BBX: variants seen among roughly 807,000 people sequenced by gnomAD.
BBX encodes BBX high mobility group box domain containing.
In BBX, 30 loss-of-function variants were observed where a neutral mutation model predicts 100.2. The ratio of observed to expected loss-of-function variants is 0.30; its 90% CI spans 0.22 to 0.41. The LOEUF is 0.41. Among genes scored for constraint, BBX ranks in the 10% least tolerant of loss-of-function variants. The probability of loss-of-function intolerance (pLI) is 1.00; values close to 1 mark genes in which losing one functional copy is unlikely to be tolerated. For synonymous variants in BBX, 376 were observed against 388.1 expected (o/e 0.97, Z 0.37); for missense variants, 1,023 against 1,129.8 (o/e 0.91, Z 1.35).
In BBX at chr3:107,764,495, G is replaced by A. The variant is rs191942808; in HGVS notation, c.907-8133G>A. 4.6e-5 allele frequency among the ~76,000 whole-genome samples: 7 copies of A among 152,278 alleles called. No homozygotes were observed. The East Asian group carries it at 1.2e-3, about 25-fold the overall frequency. On this transcript the variant is annotated intron_variant, in intron 10 of 17. Coordinates refer to ENST00000325805, the MANE Select transcript of BBX (RefSeq NM_001142568.3). ...TACATTTTATGCCCACTGAGTTACA[G>A]TTATAAAAAAATAAAGTAGTACCTG...
chr3:107,680,693 G>A (rs983591916), intron 3 of BBX, among the ~76,000 whole-genome samples: 7 of 152,140 alleles, frequency 4.6e-5, no homozygotes, highest in Admixed American at 2.0e-4. Context: ...TGACCGGTCC[G>A]TTAAGACATG....
intron 2 of BBX, among the ~76,000 whole-genome samples, chr3:107,539,136 T>A (rs1576222591): frequency 6.6e-6 from 1 of 152,274 alleles, no homozygotes; most frequent in South Asian, 2.1e-4. Context: ...CATAATAATG[T>A]CCTTTATCAT....
chr3:107,588,378 T>A (rs990970775), intron 2 of BBX, among the ~76,000 whole-genome samples: 1 of 151,672 alleles, frequency 6.6e-6, no homozygotes, highest in African/African-American at 2.4e-5. Context: ...TGGAGTGATG[T>A]GTGTAGGAGG....
intron 2 of BBX, among the ~76,000 whole-genome samples, chr3:107,633,729 G>A (rs1022557040): frequency 1.1e-4 from 17 of 152,186 alleles, no homozygotes; most frequent in African/African-American, 3.4e-4. Flanking sequence ...CCCCAAAACT[G>A]CCTGTTAGAA....
chr3:107,554,825 A>G (rs709533), intron 2 of BBX, among the ~76,000 whole-genome samples: 2 of 152,054 alleles, frequency 1.3e-5, no homozygotes, highest in Non-Finnish European at 2.9e-5. Flanking sequence ...TCCCAGCACT[A>G]TGGGAGGCTG....
chr3:107,689,139 C>T (rs565141878), intron 3 of BBX, among the ~76,000 whole-genome samples: 143 of 152,110 alleles, frequency 9.4e-4, no homozygotes, highest in Non-Finnish European at 9.3e-4. Flanking sequence ...ATTCTTAAGC[C>T]GTATAGTAGT....
chr3:107,550,329 T>C (rs182052999), intron 2 of BBX, among the ~76,000 whole-genome samples: 233 of 152,140 alleles, frequency 1.5e-3, no homozygotes, highest in African/African-American at 5.4e-3. Context: ...GACAATATGG[T>C]CAGATGAGGG....
chr3:107,576,405 T>C (rs1362999312), intron 2 of BBX, among the ~76,000 whole-genome samples: 5 of 152,262 alleles, frequency 3.3e-5, no homozygotes, highest in Admixed American at 1.3e-4. Context: ...GGCTTTTTTT[T>C]CTTTTAGCTG....
At chr3:107,552,420 G>A (rs1286668260) in intron 2 of BBX, among the ~76,000 whole-genome samples, 1 of 143,748 alleles carries the variant, frequency 7.0e-6, no homozygotes, top group Non-Finnish European at 1.5e-5. Flanking sequence ...TGTTAGAGAA[G>A]CAACTGAAAC....
At chr3:107,630,547 A>C (rs1472575825) in intron 2 of BBX, among the ~76,000 whole-genome samples, 3 of 152,126 alleles carry the variant, frequency 2.0e-5, no homozygotes, top group Non-Finnish European at 4.4e-5. Context: ...TGAGTTTGCC[A>C]TTTCTGTTGC....
chr3:107,672,120 T>A (rs2059050196), intron 3 of BBX, among the ~76,000 whole-genome samples: 1 of 152,094 alleles, frequency 6.6e-6, no homozygotes, highest in African/African-American at 2.4e-5. Context: ...CATAATCTTA[T>A]GTCTGGACTG....
intron 3 of BBX, among the ~76,000 whole-genome samples, chr3:107,661,373 G>A (rs963031296): frequency 6.6e-6 from 1 of 152,074 alleles, no homozygotes; most frequent in Non-Finnish European, 1.5e-5. Context: ...TCATTTGCTT[G>A]TGTCTTGGGC....
At chr3:107,631,135 C>G (rs966284659) in intron 2 of BBX, among the ~76,000 whole-genome samples, 3 of 152,186 alleles carry the variant, frequency 2.0e-5, no homozygotes, top group African/African-American at 7.2e-5. Context: ...AACTGTTTAG[C>G]TTGCTGCTCA....
intron 3 of BBX, among the ~76,000 whole-genome samples, chr3:107,647,189 A>G (rs1370560341): frequency 6.6e-6 from 1 of 152,178 alleles, no homozygotes; most frequent in African/African-American, 2.4e-5. Flanking sequence ...GGAATTTTCA[A>G]AAATTGATAC....
intron 2 of BBX, among the ~76,000 whole-genome samples, chr3:107,553,932 G>A (rs1429234135): frequency 6.6e-6 from 1 of 151,918 alleles, no homozygotes; most frequent in Non-Finnish European, 1.5e-5. Context: ...TAGTATTTTA[G>A]GTTTGTTATG....
intron 2 of BBX, among the ~76,000 whole-genome samples, chr3:107,601,496 A>G (rs1398364735): frequency 6.6e-6 from 1 of 152,198 alleles, no homozygotes; most frequent in East Asian, 1.9e-4. Flanking sequence ...AAGCAAAACA[A>G]CTTTGTTGTT....
intron 2 of BBX, among the ~76,000 whole-genome samples, chr3:107,607,681 C>T (rs1270568194): frequency 6.6e-6 from 1 of 152,142 alleles, no homozygotes; most frequent in Non-Finnish European, 1.5e-5. Flanking sequence ...CCACCTGCAG[C>T]GTGCAAGGGT....
intron 8 of BBX, 61 bp from the exon 9 acceptor site, chr3:107,747,904 A>G: frequency 2.8e-6 from 4 of 1,408,558 alleles, no homozygotes; most frequent in Non-Finnish European, 4.0e-6. Context: ...ATATGGCAGA[A>G]TCTTATGATC....
At chr3:107,751,673 G>A (rs1057003019) in intron 9 of BBX, among the ~76,000 whole-genome samples, 38 of 152,090 alleles carry the variant, frequency 2.5e-4, no homozygotes, top group African/African-American at 8.7e-4. Context: ...ATATTTGTTT[G>A]TAGGTGCCTC....
Sources: gnomAD v4.1 joint callset for allele counts (sites outside exome capture counted in the v4.1 genomes callset) on GRCh38, gnomAD v4.1.1 for gene constraint, MANE v1.5 for transcripts, NCBI Gene and HGNC (gene_info 2026-07-23, HGNC 2026-07-21) for gene names.